VMP1: variants seen among roughly 807,000 people sequenced by gnomAD.
The protein encoded by VMP1 is vacuole membrane protein 1, also known as ectopic P-granules autophagy protein 3 homolog.
In VMP1, 11 loss-of-function variants were observed where a neutral mutation model predicts 56.0. That is an observed-to-expected ratio of 0.20 (90% CI 0.12 to 0.32). VMP1 has a LOEUF of 0.32. Among genes scored for constraint, VMP1 ranks in the 10% least tolerant of loss-of-function variants. VMP1 has a pLI of 1.00. For missense variants in VMP1, 296 were observed against 490.3 expected, an observed-to-expected ratio of 0.60 and a Z score of 3.74; for synonymous variants, 149 against 165.0, an observed-to-expected ratio of 0.90 and a Z score of 0.74.
intron 5 of VMP1, among the ~76,000 whole-genome samples, chr17:59,764,759 A>C (rs1173423129): frequency 6.6e-6 from 1 of 152,170 alleles, no homozygotes; most frequent in Non-Finnish European, 1.5e-5. Context: ...TTACCTCAAT[A>C]AATCTGATTT....
At chr17:59,780,299 C>T (rs1381241537) in intron 7 of VMP1, among the ~76,000 whole-genome samples, 2 of 152,160 alleles carry the variant, frequency 1.3e-5, no homozygotes, top group Admixed American at 6.6e-5. Context: ...TGTTAGAAAT[C>T]ATATACTGTT....
chr17:59,835,135 GTTTT>G, intron 10 of VMP1, among the ~76,000 whole-genome samples: 1 of 144,054 alleles, frequency 6.9e-6, no homozygotes, highest in Non-Finnish European at 1.5e-5. Flanking sequence ...TTTTTTGTTT[GTTTT>G]TTTTTTTGAG....
At chr17:59,782,001 C>T (rs1188008777) in intron 7 of VMP1, among the ~76,000 whole-genome samples, 4 of 152,202 alleles carry the variant, frequency 2.6e-5, no homozygotes, top group African/African-American at 9.6e-5. Flanking sequence ...CTCTGCCTCC[C>T]GGGTTCAAGT....
At chr17:59,722,320 GC>G (rs1270762158) in intron 1 of VMP1, among the ~76,000 whole-genome samples, 1 of 152,170 alleles carries the variant, frequency 6.6e-6, no homozygotes, top group Non-Finnish European at 1.5e-5. Flanking sequence ...GATGCTGTGT[GC>G]CCCAGTAGAT....
intron 7 of VMP1, among the ~76,000 whole-genome samples, chr17:59,781,277 A>G (rs921023080): frequency 6.6e-6 from 1 of 152,170 alleles, no homozygotes; most frequent in African/African-American, 2.4e-5. Flanking sequence ...TTAATTATAC[A>G]AGTAATTTTA....
intron 7 of VMP1, among the ~76,000 whole-genome samples, chr17:59,777,981 G>A (rs376410642): frequency 1.3e-5 from 2 of 152,072 alleles, no homozygotes; most frequent in Non-Finnish European, 2.9e-5. Context: ...TGGAATTCTA[G>A]TTGCTTCAAT....
intron 7 of VMP1, among the ~76,000 whole-genome samples, chr17:59,784,088 C>T (rs903000916): frequency 6.8e-6 from 1 of 147,278 alleles, no homozygotes; most frequent in Admixed American, 6.8e-5. Context: ...TGCCAGAATA[C>T]CCATCAAAAA....
At chr17:59,836,719 GTT>G (rs5821283) in intron 10 of VMP1, among the ~76,000 whole-genome samples, 2 of 138,734 alleles carry the variant, frequency 1.4e-5, no homozygotes, top group African/African-American at 5.3e-5. Context: ...GGGCAGTTTG[GTT>G]TTTTTTTTTT....
chr17:59,760,015 A>T lies in VMP1; in HGVS notation c.415-4956A>T, dbSNP rs1264966164. On this transcript the variant is annotated intron_variant, in intron 5 of 11. Coordinates refer to ENST00000262291, the MANE Select transcript of VMP1 (RefSeq NM_030938.5). ...GTGATGCATGCCTGTGGTCCCAGCT[A>T]CTCGGGAGGCTGAGGTAGAATCTCA... Among the ~76,000 whole-genome samples, 5 of 146,600 alleles carry T rather than the reference A, an allele frequency of 3.4e-5. No individual in the cohort carries two copies. In the Admixed American group the frequency reaches 3.5e-4, roughly 10 times the overall value.
chr17:59,781,419 T>A (rs1343514139), intron 7 of VMP1, among the ~76,000 whole-genome samples: 1 of 152,180 alleles, frequency 6.6e-6, no homozygotes, highest in Non-Finnish European at 1.5e-5. Flanking sequence ...TTTATAAAAA[T>A]TAGAATCATA....
At chr17:59,783,128 G>A (rs1353611770) in intron 7 of VMP1, among the ~76,000 whole-genome samples, 1 of 152,088 alleles carries the variant, frequency 6.6e-6, no homozygotes, top group Non-Finnish European at 1.5e-5. Flanking sequence ...CCTGGGAGGT[G>A]GAGCTAGCAG....
At chr17:59,791,950 T>C (rs1267500551) in intron 7 of VMP1, among the ~76,000 whole-genome samples, 1 of 152,112 alleles carries the variant, frequency 6.6e-6, no homozygotes, top group African/African-American at 2.4e-5. Flanking sequence ...GCATTTCTTT[T>C]TCCAGGGCCA....
chr17:59,741,640 CATG>C (rs1236162219), intron 5 of VMP1, among the ~76,000 whole-genome samples: 8 of 152,066 alleles, frequency 5.3e-5, no homozygotes, highest in Non-Finnish European at 1.0e-4. Flanking sequence ...AGGTATATAA[CATG>C]ATGTTATAAG....
intron 7 of VMP1, among the ~76,000 whole-genome samples, chr17:59,808,339 C>G (rs1159139335): frequency 6.6e-6 from 1 of 152,190 alleles, no homozygotes; most frequent in African/African-American, 2.4e-5. Flanking sequence ...GTAGGATGTT[C>G]TTTTGCTTCT....
At chr17:59,783,526 T>C (rs2036898869) in intron 7 of VMP1, among the ~76,000 whole-genome samples, 1 of 152,218 alleles carries the variant, frequency 6.6e-6, no homozygotes, top group South Asian at 2.1e-4. Context: ...TAGGTCTAGA[T>C]AGCTGTTTAT....
At chr17:59,792,311 A>C (rs1169084120) in intron 7 of VMP1, among the ~76,000 whole-genome samples, 1 of 152,042 alleles carries the variant, frequency 6.6e-6, no homozygotes, top group South Asian at 2.1e-4. Context: ...CTCAGAAAAG[A>C]ATGTCACTGT....
chr17:59,751,608 G>GA (rs1000408141), intron 5 of VMP1, among the ~76,000 whole-genome samples: 2 of 86,442 alleles, frequency 2.3e-5, no homozygotes, highest in Non-Finnish European at 4.8e-5. Flanking sequence ...TGGGCGTGGT[G>GA]GGGGGGGCGC....
chr17:59,819,902 C>G (rs139360229), intron 10 of VMP1, among the ~76,000 whole-genome samples: 64 of 152,302 alleles, frequency 4.2e-4, no homozygotes, highest in African/African-American at 1.5e-3. Context: ...TTCAGCTACT[C>G]CTGCATCCTC....
At chr17:59,809,410 G>A (rs1393792384) in intron 8 of VMP1, among the ~76,000 whole-genome samples, 1 of 138,700 alleles carries the variant, frequency 7.2e-6, no homozygotes, top group East Asian at 2.2e-4. Flanking sequence ...TCCACCTCCC[G>A]GGTTCAAACG....
Sources: gnomAD v4.1 joint callset for allele counts (sites outside exome capture counted in the v4.1 genomes callset) on GRCh38, gnomAD v4.1.1 for gene constraint, MANE v1.5 for transcripts, NCBI Gene and HGNC (gene_info 2026-07-23, HGNC 2026-07-21) for gene names.